Variants in NDFIP2 observed in about 807,000 individuals in gnomAD.
NDFIP2 encodes the protein Nedd4 family interacting protein 2, also known as NEDD4 family-interacting protein 2.
NDFIP2 carries 19 observed loss-of-function variants against 36.0 expected under a neutral mutation model. The ratio of observed to expected loss-of-function variants is 0.53; its 90% CI spans 0.37 to 0.77. The LOEUF is 0.77. Among genes scored for constraint, NDFIP2 ranks in the 30% least tolerant of loss-of-function variants. The pLI is 0.00. For synonymous variants in NDFIP2, 181 were observed against 167.7 expected (o/e 1.08, Z -0.61); for missense variants, 446 against 435.8 (o/e 1.02, Z -0.21).
intron 1 of NDFIP2, among the ~76,000 whole-genome samples, chr13:79,482,366 T>C (rs4145207): frequency 0.41 from 61,886 of 151,804 alleles, 13,438 homozygotes; most frequent in East Asian, 0.7. Context: ...TTTAAATATA[T>C]TTTTCTTTGT....
At chr13:79,542,873 C>CT (rs970992740) in intron 4 of NDFIP2, among the ~76,000 whole-genome samples, 2 of 149,400 alleles carry the variant, frequency 1.3e-5, no homozygotes, top group Non-Finnish European at 3.0e-5. Flanking sequence ...TTTTGTTTAC[C>CT]TTTTTTTTCC....
chr13:79,495,591 T>A (rs1356509471), intron 1 of NDFIP2, among the ~76,000 whole-genome samples: 1 of 151,970 alleles, frequency 6.6e-6, no homozygotes, highest in Non-Finnish European at 1.5e-5. Context: ...TTCTGTTTAC[T>A]TTCAACCTAT....
At chr13:79,546,467 A>G (rs577043202) in intron 5 of NDFIP2, among the ~76,000 whole-genome samples, 31 of 152,202 alleles carry the variant, frequency 2.0e-4, no homozygotes, top group Non-Finnish European at 3.8e-4. Context: ...ATGAATTCAT[A>G]ATGTTCATTA....
Position 79,539,765 on chromosome 13 carries a change from G to A in NDFIP2, c.705G>A (p.Leu235=), listed in dbSNP as rs750467664. 3 of 1,613,364 alleles carry A rather than the reference G, an allele frequency of 1.9e-6. No homozygotes were observed. Among genetic ancestry groups the A allele is most frequent in the Non-Finnish European group, 2.5e-6 (3 of 1,179,602 alleles). ...TGGGGAATGATGGCATTTTCATGCTGGCATTTTTCAGTAAGTAATCTTCCT... is the reference window on the plus strand; with the variant it reads ...TGGGGAATGATGGCATTTTCATGCTAGCATTTTTCAGTAAGTAATCTTCCT... The part of the protein sequence containing the change: ...LRVGNDGIFM[L]AFFMAFIFNW... The change falls in exon 4 of 8, where the codon CTG becomes CTA. Residue 235 remains leucine, a synonymous_variant. Transcript: ENST00000218652.
At chr13:79,527,000 G>T (rs1018591416) in intron 2 of NDFIP2, among the ~76,000 whole-genome samples, 11 of 152,222 alleles carry the variant, frequency 7.2e-5, no homozygotes, top group African/African-American at 2.7e-4. Context: ...AAAGTCCACA[G>T]TCATGTTTTA....
chr13:79,542,419 T>C (rs557746126), intron 4 of NDFIP2, among the ~76,000 whole-genome samples: 32 of 152,320 alleles, frequency 2.1e-4, no homozygotes, highest in African/African-American at 6.3e-4. Flanking sequence ...TGTACTATTT[T>C]GCATTCCCAC....
chr13:79,530,683 T>C (rs1314423265), intron 2 of NDFIP2, among the ~76,000 whole-genome samples: 2 of 152,224 alleles, frequency 1.3e-5, no homozygotes, highest in African/African-American at 4.8e-5. Context: ...AGAAATCACT[T>C]TCTTTGCTCA....
At chr13:79,509,688 T>TAGAGAGAGAG (rs147787220) in intron 1 of NDFIP2, among the ~76,000 whole-genome samples, 99 of 140,480 alleles carry the variant, frequency 7.0e-4, no homozygotes, top group Middle Eastern at 4.0e-3. Context: ...TATATATATA[T>TAGAGAGAGAG]ATAGAGAGAG....
Position 79,520,908 on chromosome 13 carries a change from A to G in NDFIP2, c.420A>G (p.Pro140=), listed in dbSNP as rs1237888208. ...TTGTGCAGGCTGCGTCTTCAGCACC[A>G]GCACTTGAAACTGACTCTTCCCCTC... is the stretch of plus-strand genomic sequence containing the variant. ...PQIVQAASSA[P]ALETDSSPPP... The change falls in exon 2 of 8, where the codon CCA becomes CCG. Residue 140 remains proline (P), a synonymous_variant. Transcript: ENST00000218652. 4 of 1,613,942 alleles carry G rather than the reference A, an allele frequency of 2.5e-6. No homozygotes were observed. The Admixed American group carries it at 6.7e-5, about 27-fold the overall frequency.
intron 1 of NDFIP2, among the ~76,000 whole-genome samples, chr13:79,514,739 C>G (rs142214643): frequency 6.6e-6 from 1 of 152,202 alleles, no homozygotes; most frequent in East Asian, 1.9e-4. Context: ...TTATACAGTC[C>G]TGGAGCTCAG....
chr13:79,492,676 G>C (rs1046455206), intron 1 of NDFIP2, among the ~76,000 whole-genome samples: 2 of 152,120 alleles, frequency 1.3e-5, no homozygotes, highest in African/African-American at 4.8e-5. Flanking sequence ...ATGAGCCACT[G>C]TTCCTGGCCA....
intron 3 of NDFIP2, among the ~76,000 whole-genome samples, chr13:79,535,940 A>C (rs901143502): frequency 1.3e-5 from 2 of 152,224 alleles, no homozygotes; most frequent in African/African-American, 4.8e-5. Flanking sequence ...AAGTCTCATC[A>C]AATTAGCATT....
Position 79,533,368 on chromosome 13 carries a change from G to A in NDFIP2, c.533G>A (p.Ser178Asn), listed in dbSNP as rs1185096692. 3 of 1,611,536 alleles carry A rather than the reference G, an allele frequency of 1.9e-6. No individual in the cohort carries two copies. Among genetic ancestry groups the A allele is most frequent in the African/African-American group, 2.7e-5 (2 of 74,780 alleles). Residue 178 changes from serine (S) to asparagine (N), a missense_variant, in exon 3 of 8, where the codon AGC becomes AAC. Ser to Asn is a conservative substitution (Grantham distance 46, BLOSUM62 1). This residue lies in a region of NDFIP2 where 369 missense variants were observed against 304.8 expected (regional missense o/e 1.21). Transcript: ENST00000218652. ...GEFYPVPPPYSVATSLPTYDE... is the reference protein window; with the variant it reads ...GEFYPVPPPYNVATSLPTYDE... ...TTTTATCCCGTGCCACCTCCCTATA[G>A]CGTTGCTACCTCTCTTCCTACATAC... is the stretch of plus-strand genomic sequence containing the variant.
At chr13:79,507,107 T>C (rs1873897998) in intron 1 of NDFIP2, among the ~76,000 whole-genome samples, 1 of 152,164 alleles carries the variant, frequency 6.6e-6, no homozygotes, top group Admixed American at 6.5e-5. Flanking sequence ...TTTTATGTTG[T>C]ATTTTTGCTT....
chr13:79,481,242 T>G lies in NDFIP2; in HGVS notation c.39T>G (p.Gly13=). 1 of 1,533,820 alleles carries G rather than the reference T, an allele frequency of 6.5e-7. No individual in the cohort carries two copies. The highest frequency in any genetic ancestry group is 8.7e-7 in the Non-Finnish European group (1 of 1,145,394). The part of the protein sequence containing the change: ...RRRSQRVCAS[G]PSMLNSARGA... ...GGAGCCAGCGAGTCTGCGCGAGCGGTCCGAGCATGCTCAATAGCGCGCGCG... is the reference window on the plus strand; with the variant it reads ...GGAGCCAGCGAGTCTGCGCGAGCGGGCCGAGCATGCTCAATAGCGCGCGCG... The change falls in exon 1 of 8, where the codon GGT becomes GGG. Residue 13 remains glycine (G), a synonymous_variant. Coordinates refer to ENST00000218652, the MANE Select transcript of NDFIP2 (RefSeq NM_019080.3).
intron 2 of NDFIP2, among the ~76,000 whole-genome samples, chr13:79,525,792 G>T (rs1372487986): frequency 6.6e-6 from 1 of 152,178 alleles, no homozygotes; most frequent in Non-Finnish European, 1.5e-5. Flanking sequence ...TTTCTAGATT[G>T]CAGTCGACCT....
intron 4 of NDFIP2, among the ~76,000 whole-genome samples, chr13:79,542,571 T>G (rs988962340): frequency 6.6e-5 from 10 of 152,024 alleles, no homozygotes; most frequent in Admixed American, 6.5e-5. Context: ...GTTTAATTTT[T>G]ATTTCCCTAA....
intron 3 of NDFIP2, among the ~76,000 whole-genome samples, chr13:79,537,593 T>C (rs928426570): frequency 2.0e-5 from 3 of 152,248 alleles, no homozygotes; most frequent in Non-Finnish European, 2.9e-5. Context: ...ACCTATGATA[T>C]ATGATTGCAC....
chr13:79,517,880 A>C (rs1874413624), intron 1 of NDFIP2, among the ~76,000 whole-genome samples: 1 of 152,214 alleles, frequency 6.6e-6, no homozygotes, highest in African/African-American at 2.4e-5. Flanking sequence ...AGAAACTGGA[A>C]GAGTGCTGTT....
Sources: allele counts gnomAD v4.1 joint callset (sites outside exome capture counted in the v4.1 genomes callset), GRCh38; gene constraint gnomAD v4.1.1; regional missense constraint gnomAD v4.1.1; transcripts MANE v1.5; gene names NCBI Gene and HGNC (gene_info 2026-07-23, HGNC 2026-07-21).